Variants in RABGAP1L observed in about 807,000 individuals in gnomAD.
RABGAP1L encodes RAB GTPase activating protein 1 like, also known as rab GTPase-activating protein 1-like.
Under a neutral mutation model 137.7 loss-of-function variants are expected in RABGAP1L, and 63 were observed. The ratio of observed to expected loss-of-function variants is 0.46; its 90% CI spans 0.37 to 0.56. RABGAP1L has a LOEUF of 0.56. Ranked by LOEUF, RABGAP1L falls within the 20% of genes least tolerant of loss-of-function variation. The pLI, the probability that RABGAP1L is intolerant of heterozygous loss-of-function variation, is 0.00. For synonymous variants in RABGAP1L, 431 were observed against 433.7 expected (o/e 0.99, Z 0.08); for missense variants, 1,095 against 1,244.0 (o/e 0.88, Z 1.80).
At chr1:174,781,384 C>G (rs1180128180) in intron 18 of RABGAP1L, among the ~76,000 whole-genome samples, 6 of 152,112 alleles carry the variant, frequency 3.9e-5, no homozygotes, top group African/African-American at 4.8e-5. Flanking sequence ...AGAAGTGTCT[C>G]TTCATATCCT....
intron 18 of RABGAP1L, among the ~76,000 whole-genome samples, chr1:174,767,784 C>T (rs571266094): frequency 1.4e-4 from 22 of 152,042 alleles, no homozygotes; most frequent in East Asian, 5.8e-4. Flanking sequence ...AAGACATACC[C>T]GAGACTGGGC....
intron 15 of RABGAP1L, among the ~76,000 whole-genome samples, chr1:174,690,897 A>T (rs989982442): frequency 6.9e-6 from 1 of 145,376 alleles, no homozygotes; most frequent in African/African-American, 2.6e-5. Context: ...CAGTGGCAAG[A>T]TGTTGGCTCA....
At chr1:174,528,753 T>C (rs1181416174) in intron 13 of RABGAP1L, among the ~76,000 whole-genome samples, 2 of 152,068 alleles carry the variant, frequency 1.3e-5, no homozygotes, top group Non-Finnish European at 2.9e-5. Context: ...TTTCTAAATA[T>C]CTTGCCATAC....
At chr1:174,265,972 G>C (rs1349484233) in intron 7 of RABGAP1L, among the ~76,000 whole-genome samples, 1 of 152,028 alleles carries the variant, frequency 6.6e-6, no homozygotes, top group Non-Finnish European at 1.5e-5. Context: ...TAGTTACATA[G>C]ACAGATAGAT....
At chr1:174,422,198 T>C (rs1651398332) in intron 13 of RABGAP1L, among the ~76,000 whole-genome samples, 1 of 152,200 alleles carries the variant, frequency 6.6e-6, no homozygotes, top group Non-Finnish European at 1.5e-5. Context: ...CTTGATACGC[T>C]TAATGGCTTT....
At chr1:174,425,042 T>A (rs1250999325) in intron 13 of RABGAP1L, among the ~76,000 whole-genome samples, 1 of 152,080 alleles carries the variant, frequency 6.6e-6, no homozygotes, top group East Asian at 1.9e-4. Context: ...CATTATTATA[T>A]ACAAAATACT....
chr1:174,472,073 A>G (rs1025733664), intron 13 of RABGAP1L, among the ~76,000 whole-genome samples: 2 of 152,230 alleles, frequency 1.3e-5, no homozygotes, highest in Admixed American at 6.5e-5. Context: ...AGTCCTCACC[A>G]GGAATGGAAT....
At chr1:174,225,992 A>T (rs1365763595) in intron 3 of RABGAP1L, among the ~76,000 whole-genome samples, 2 of 152,108 alleles carry the variant, frequency 1.3e-5, no homozygotes, top group Non-Finnish European at 2.9e-5. Flanking sequence ...CATTTCAGGT[A>T]GTTCTGTGGT....
At chr1:174,561,859 A>G (rs1667242054) in intron 13 of RABGAP1L, among the ~76,000 whole-genome samples, 1 of 152,344 alleles carries the variant, frequency 6.6e-6, no homozygotes, top group South Asian at 2.1e-4. Context: ...TTAACTCATG[A>G]TGGATTAAAG....
rs932619466 is a variant in RABGAP1L, at chr1:174,269,449, A to G, written c.987-2965A>G. On this transcript the variant is annotated intron_variant, in intron 7 of 25. Coordinates refer to ENST00000681986, the MANE Select transcript of RABGAP1L (RefSeq NM_001366446.1). ...TAGTTTTGTAGTGATAGACATGGGCATGAATCCCGGTCGTGTAACTTAGTA... is the reference window on the plus strand; with the variant it reads ...TAGTTTTGTAGTGATAGACATGGGCGTGAATCCCGGTCGTGTAACTTAGTA... Among the ~76,000 whole-genome samples, 88 of 152,244 alleles carry G rather than the reference A, an allele frequency of 5.8e-4. 1 individual carries two copies. Among genetic ancestry groups the G allele is most frequent in the Non-Finnish European group, 8.8e-5 (6 of 68,034 alleles).
intron 13 of RABGAP1L, among the ~76,000 whole-genome samples, chr1:174,627,988 A>G (rs962118443): frequency 6.6e-6 from 1 of 152,142 alleles, no homozygotes; most frequent in Admixed American, 6.5e-5. Context: ...TTTAAAAGCT[A>G]AATTCTAAAG....
intron 11 of RABGAP1L, among the ~76,000 whole-genome samples, chr1:174,351,281 A>G (rs905222318): frequency 2.6e-5 from 4 of 152,102 alleles, no homozygotes; most frequent in Non-Finnish European, 5.9e-5. Flanking sequence ...GTATCCTCAG[A>G]TAATTTCTTA....
At chr1:174,238,554 G>T (rs1007103766) in intron 4 of RABGAP1L, among the ~76,000 whole-genome samples, 54 of 152,100 alleles carry the variant, frequency 3.6e-4, no homozygotes, top group African/African-American at 1.2e-3. Context: ...GCCTCTGCTG[G>T]GGGGTGCCTC....
intron 14 of RABGAP1L, among the ~76,000 whole-genome samples, chr1:174,638,698 A>G (rs991313548): frequency 1.4e-5 from 2 of 143,094 alleles, no homozygotes; most frequent in African/African-American, 5.3e-5. Context: ...ATGGAATACT[A>G]TGCAGCCATA....
At chr1:174,920,867 C>T (rs1355846641) in intron 19 of RABGAP1L, among the ~76,000 whole-genome samples, 1 of 152,170 alleles carries the variant, frequency 6.6e-6, no homozygotes, top group Non-Finnish European at 1.5e-5. Flanking sequence ...TTCTAGCCTC[C>T]AAAACTGTTA....
At chr1:174,241,090 G>A (rs925553817) in intron 4 of RABGAP1L, among the ~76,000 whole-genome samples, 4 of 152,106 alleles carry the variant, frequency 2.6e-5, no homozygotes, top group Admixed American at 2.6e-4. Context: ...GGAGGCCAAC[G>A]CGGGGGGTCA....
intron 13 of RABGAP1L, among the ~76,000 whole-genome samples, chr1:174,584,181 G>A (rs1206553592): frequency 6.6e-6 from 1 of 152,152 alleles, no homozygotes; most frequent in African/African-American, 2.4e-5. Flanking sequence ...CTCTGGCAAT[G>A]TCAACATAAT....
intron 19 of RABGAP1L, among the ~76,000 whole-genome samples, chr1:174,901,814 T>C (rs1658181590): frequency 6.6e-6 from 1 of 152,236 alleles, no homozygotes. Context: ...TGTGGGCTTA[T>C]CTACCTTTGA....
chr1:174,868,997 A>T (rs572811197), intron 19 of RABGAP1L, among the ~76,000 whole-genome samples: 1 of 152,278 alleles, frequency 6.6e-6, no homozygotes, highest in South Asian at 2.1e-4. Context: ...AATACGAAAA[A>T]AAAAAATGGA....
Sources: allele counts gnomAD v4.1 joint callset (sites outside exome capture counted in the v4.1 genomes callset), GRCh38; gene constraint gnomAD v4.1.1; transcripts MANE v1.5; gene names NCBI Gene and HGNC (gene_info 2026-07-23, HGNC 2026-07-21).